MYO18B: variants seen among roughly 807,000 people sequenced by gnomAD.
MYO18B encodes the protein myosin XVIIIB.
MYO18B carries 204 observed loss-of-function variants against 273.0 expected under a neutral mutation model. The ratio of observed to expected loss-of-function variants is 0.75; its 90% CI spans 0.67 to 0.84. The LOEUF is 0.84. Ranked by LOEUF, MYO18B falls within the 40% of genes least tolerant of loss-of-function variation. The pLI, the probability that MYO18B is intolerant of heterozygous loss-of-function variation, is 0.00. For missense variants in MYO18B, 3,212 were observed against 3,287.6 expected, an observed-to-expected ratio of 0.98 and a Z score of 0.56; for synonymous variants, 1,330 against 1,305.7, an observed-to-expected ratio of 1.02 and a Z score of -0.40.
At chr22:25,871,111 T>G (rs2091033453) in intron 22 of MYO18B, among the ~76,000 whole-genome samples, 1 of 152,190 alleles carries the variant, frequency 6.6e-6, no homozygotes. Context: ...ATGCAGCATC[T>G]TACGCATTGC....
At position 26,027,341 on chromosome 22, in the gene MYO18B, C is replaced by T. The variant is rs776671846; in HGVS notation, c.7367C>T (p.Ser2456Phe). The change falls in exon 43 of 44, where the codon TCC becomes TTC. Residue 2456 changes from serine to phenylalanine, a missense_variant. Coordinates refer to ENST00000335473, the MANE Select transcript of MYO18B (RefSeq NM_032608.7). This position sits in a 1 kb window ranked among gnomAD's most constrained non-coding sequence, Gnocchi z 4.1. ...PAIRKPQTPT[S>F]LAGSAKGGQD... ...ATCCGGAAGCCCCAGACACCTACCT[C>T]CTTGGCTGGATCAGCCAAAGGTGGG... 6.2e-7 allele frequency: 1 copy of T among 1,614,004 alleles called. No homozygotes were observed. Among genetic ancestry groups the T allele is most frequent in the Non-Finnish European group, 8.5e-7 (1 of 1,179,884 alleles).
intron 39 of MYO18B, among the ~76,000 whole-genome samples, chr22:25,970,801 G>C (rs185510315): frequency 6.8e-6 from 1 of 148,076 alleles, no homozygotes; most frequent in African/African-American, 2.6e-5. Context: ...GAGACAAAGC[G>C]TCCTGCTGGA....
At chr22:26,000,114 T>TGGAC (rs1555986627) in intron 40 of MYO18B, among the ~76,000 whole-genome samples, 1 of 152,204 alleles carries the variant, frequency 6.6e-6, no homozygotes, top group Non-Finnish European at 1.5e-5. Context: ...AAACAATGAA[T>TGGAC]GGACACCTTA....
intron 1 of MYO18B, among the ~76,000 whole-genome samples, chr22:25,754,606 T>C (rs921590386): frequency 6.6e-6 from 1 of 152,186 alleles, no homozygotes; most frequent in Non-Finnish European, 1.5e-5. Flanking sequence ...TTTTATACCG[T>C]GAATTCCAAA....
At chr22:25,948,527 T>TCTTCCTTCCTTC (rs562796748) in intron 36 of MYO18B, among the ~76,000 whole-genome samples, 6,968 of 110,430 alleles carry the variant, frequency 0.063, 509 homozygotes, top group African/African-American at 0.13. Flanking sequence ...CTTCTTTCTT[T>TCTTCCTTCCTTC]CTTCCTTCCT....
intron 37 of MYO18B, among the ~76,000 whole-genome samples, chr22:25,951,337 AG>A (rs2092790266): frequency 6.6e-6 from 1 of 152,176 alleles, no homozygotes; most frequent in South Asian, 2.1e-4. Context: ...TTTATTCATC[AG>A]TTCATTCAAA....
intron 19 of MYO18B, 40 bp from the exon 20 acceptor site, chr22:25,847,390 T>C: frequency 1.3e-6 from 2 of 1,506,278 alleles, no homozygotes; most frequent in Non-Finnish European, 9.0e-7. Flanking sequence ...TCTGTGTCTC[T>C]GTGAGACAAC....
At chr22:26,036,681 G>A in the MYO18B span, among the ~76,000 whole-genome samples, 3 of 152,278 alleles carry the variant, frequency 2.0e-5, no homozygotes, top group East Asian at 5.8e-4. Flanking sequence ...GCTGCAAAGG[G>A]TAGGGGAAGA....
At chr22:25,907,643 A>G (rs9613035) in intron 31 of MYO18B, among the ~76,000 whole-genome samples, 41,156 of 152,126 alleles carry the variant, frequency 0.27, 6,376 homozygotes, top group Middle Eastern at 0.36. Flanking sequence ...TCATGTCTTC[A>G]TACACTTTTG....
chr22:25,830,662 C>T (rs372814977), intron 15 of MYO18B, among the ~76,000 whole-genome samples: 14 of 152,158 alleles, frequency 9.2e-5, no homozygotes, highest in African/African-American at 1.9e-4. Flanking sequence ...CAAACAGAAG[C>T]GTGCAGGGGA....
chr22:26,022,008 G>C (rs1935861089), intron 42 of MYO18B, among the ~76,000 whole-genome samples: 1 of 152,132 alleles, frequency 6.6e-6, no homozygotes, highest in African/African-American at 2.4e-5. Flanking sequence ...AGGTATACCA[G>C]AAGGATATTC....
intron 25 of MYO18B, chr22:25,884,967 AT>A (rs2091454632): frequency 6.6e-6 from 1 of 152,134 alleles, no homozygotes; most frequent in Non-Finnish European, 1.5e-5. Flanking sequence ...CAATAAATAT[AT>A]TTTTTAAATG....
At chr22:25,856,332 T>C (rs886319278) in intron 21 of MYO18B, among the ~76,000 whole-genome samples, 5 of 152,248 alleles carry the variant, frequency 3.3e-5, no homozygotes, top group African/African-American at 9.6e-5. Context: ...AGGAGTTGAA[T>C]AGAAGCCCTC....
chr22:25,769,184 G>C lies in MYO18B; in HGVS notation c.1268G>C (p.Ser423Thr). 1.2e-6 allele frequency: 2 copies of C among 1,611,232 alleles called. No individual in the cohort carries two copies. The highest frequency in any genetic ancestry group is 2.2e-5 in the South Asian group (2 of 90,226). The change falls in exon 4 of 44, where the codon AGC becomes ACC. Residue 423 changes from serine (S) to threonine (T), a missense_variant. Coordinates refer to ENST00000335473, the MANE Select transcript of MYO18B (RefSeq NM_032608.7). ...GGCTGTGAAGCCCCAAAGGAGGTGA[G>C]CACAATGGTGGAGTCGCCAGCAGCT... ...EKGCEAPKEV[S>T]TMVESPAAPG...
rs571003888 is a variant in MYO18B, at chr22:25,763,273, C to T, written c.82C>T (p.Pro28Ser). The T allele has an allele frequency of 5.2e-5, 84 of 1,612,004 alleles. No individual in the cohort carries two copies. The highest frequency in any genetic ancestry group is 6.7e-5 in the East Asian group (3 of 44,882). The change falls in exon 3 of 44, where the codon CCT (proline) becomes TCT (serine). Residue 28 changes from proline (P) to serine (S), a missense_variant. Physicochemically the swap from Pro to Ser is moderately conservative, Grantham distance 74 (BLOSUM62 -1). Transcript: ENST00000335473. ...GAGCCCTCCACCATCCTCGCCCCCT[C>T]CTCTTTTCTCTGTCATCCCAGGGGG... ...DKSPPPSSPP[P>S]LFSVIPGGFI...
At chr22:25,842,045 G>A (rs1367527633) in intron 17 of MYO18B, among the ~76,000 whole-genome samples, 1 of 152,194 alleles carries the variant, frequency 6.6e-6, no homozygotes, top group African/African-American at 2.4e-5. Flanking sequence ...TTCTGTGCTG[G>A]TAACTTCCGT....
intron 22 of MYO18B, among the ~76,000 whole-genome samples, chr22:25,870,662 C>G (rs530713639): frequency 6.6e-6 from 1 of 152,268 alleles, no homozygotes; most frequent in Admixed American, 6.5e-5. Flanking sequence ...TCCTTCTAGA[C>G]CAGCAGTTCT....
chr22:25,992,372 G>T lies in MYO18B; in HGVS notation c.6166G>T (p.Val2056Leu), dbSNP rs374325530. ...CATCTTCTGTCCCCAGGAGAAGTAC[G>T]TGGAGGAACTTGCAGCAGTGAGGCA... ...SRRCMELEKYVEELAAVRQTL... is the reference protein window; with the variant it reads ...SRRCMELEKYLEELAAVRQTL... The change falls in exon 40 of 44, where the codon GTG becomes TTG. Residue 2056 changes from valine (V) to leucine (L), a missense_variant. Transcript: ENST00000335473. 3.7e-6 allele frequency: 6 copies of T among 1,613,996 alleles called. No homozygotes were observed. Among genetic ancestry groups the T allele is most frequent in the East Asian group, 2.2e-5 (1 of 44,882 alleles).
chr22:25,907,269 G>A (rs113995976), intron 31 of MYO18B, among the ~76,000 whole-genome samples: 85 of 152,240 alleles, frequency 5.6e-4, no homozygotes, highest in African/African-American at 1.9e-3. Context: ...TGACTTTTTT[G>A]CCTTCCACTC....
Sources: allele counts gnomAD v4.1 joint callset (sites outside exome capture counted in the v4.1 genomes callset), GRCh38; gene constraint gnomAD v4.1.1; non-coding constraint Gnocchi (gnomAD v3.1); transcripts MANE v1.5; gene names NCBI Gene and HGNC (gene_info 2026-07-23, HGNC 2026-07-21).